GLDN: variants seen among roughly 807,000 people sequenced by gnomAD.
GLDN encodes the protein gliomedin.
Under a neutral mutation model 56.5 loss-of-function variants are expected in GLDN, and 47 were observed. The ratio of observed to expected loss-of-function variants is 0.83; its 90% CI spans 0.66 to 1.06. The LOEUF (loss-of-function observed/expected upper bound fraction) is 1.06. Ranked by LOEUF, GLDN falls within the 50% of genes least tolerant of loss-of-function variation. GLDN has a pLI of 0.00. For synonymous variants in GLDN, 332 were observed against 278.8 expected, an observed-to-expected ratio of 1.19 and a Z score of -1.90; for missense variants, 782 against 714.3, an observed-to-expected ratio of 1.09 and a Z score of -1.08.
In GLDN at chr15:51,400,248, G is replaced by A. The variant is rs770668819; in HGVS notation, c.874G>A (p.Ala292Thr). 6.2e-7 allele frequency: 1 copy of A among 1,614,072 alleles called. No homozygotes were observed. ...DTLVGKADEK[A>T]SEHHSPQAES... ...CTTGGTTGGAAAAGCTGATGAGAAA[G>A]CCAGTGAACACCATTCCCCACAAGC... Residue 292 changes from alanine to threonine, a missense_variant, in exon 7 of 10, where the codon GCC becomes ACC. Coordinates refer to ENST00000335449, the MANE Select transcript of GLDN (RefSeq NM_181789.4).
At chr15:51,350,941 G>T (rs1221428705) in intron 1 of GLDN, among the ~76,000 whole-genome samples, 1 of 152,196 alleles carries the variant, frequency 6.6e-6, no homozygotes, top group African/African-American at 2.4e-5. Context: ...AGCAGCAGAG[G>T]TGAGGGCAGT....
Position 51,342,056 on chromosome 15 carries a change from G to T in GLDN, c.363+9G>T. On this transcript the variant is annotated intron_variant, in intron 1 of 9. Transcript: ENST00000335449. ...CCTACTCCATGGTGCCGGTAGGCGG[G>T]GTCTCTGTTCCCCGTGGCGCCCCGG... The T allele has an allele frequency of 6.3e-7, 1 of 1,591,614 alleles. No homozygotes were observed. Among genetic ancestry groups the T allele is most frequent in the East Asian group, 2.3e-5 (1 of 44,118 alleles).
intron 1 of GLDN, among the ~76,000 whole-genome samples, chr15:51,363,465 T>C (rs2037341814): frequency 1.3e-5 from 2 of 152,188 alleles, no homozygotes; most frequent in Non-Finnish European, 2.9e-5. Context: ...GAAAGAAGCT[T>C]AAAAGAAGCC....
intron 1 of GLDN, among the ~76,000 whole-genome samples, chr15:51,343,128 A>G (rs1466953393): frequency 6.6e-6 from 1 of 152,236 alleles, no homozygotes; most frequent in African/African-American, 2.4e-5. Flanking sequence ...TCAGAATCCT[A>G]GGTATTTGAA....
downstream of GLDN, among the ~76,000 whole-genome samples, chr15:51,408,233 C>T (rs1022465924): frequency 6.6e-6 from 1 of 152,026 alleles, no homozygotes; most frequent in Non-Finnish European, 1.5e-5. Context: ...CTGGGTTATA[C>T]GTAGACATAA....
At position 51,397,517 on chromosome 15, in the gene GLDN, C is replaced by T. The variant is rs758241376; in HGVS notation, c.736C>T (p.Pro246Ser). ...ACCCGGTCCACCTGGGCCCCCAGGC[C>T]CTCCAGGTCCTCCAGGGCCCCCTGG... ...GPPGPPGPPG[P>S]PGPPGPPGSR... Residue 246 changes from proline to serine, a missense_variant, in exon 6 of 10, where the codon CCT (proline) becomes TCT (serine). Transcript: ENST00000335449. The T allele has an allele frequency of 1.9e-6, 3 of 1,594,754 alleles. No individual in the cohort carries two copies. The South Asian group carries it at 3.4e-5, about 18-fold the overall frequency.
rs775501587 is a variant in GLDN, at chr15:51,400,285, C to G, written c.901+10C>G. ...CATTCCCCACAAGCAGGTATAGAAA[C>G]AAAGCGTCCTGTCTTGAAATTCAGA... On this transcript the variant is annotated intron_variant, in intron 7 of 9. Transcript: ENST00000335449. The G allele has an allele frequency of 1.2e-5, 19 of 1,614,006 alleles. No homozygotes were observed. The Admixed American group carries it at 1.8e-4, about 16-fold the overall frequency.
chr15:51,361,777 T>C (rs996284401), intron 1 of GLDN, among the ~76,000 whole-genome samples: 2 of 152,006 alleles, frequency 1.3e-5, no homozygotes, highest in East Asian at 3.9e-4. Flanking sequence ...TGAAGAACAA[T>C]AAAGTGGTTG....
chr15:51,392,400 G>C (rs546806495), intron 4 of GLDN, among the ~76,000 whole-genome samples: 256 of 152,320 alleles, frequency 1.7e-3, no homozygotes, highest in African/African-American at 6.0e-3. Flanking sequence ...TCTAATGCCT[G>C]ATGATCTGTC....
chr15:51,402,887 G>A (rs1233483841), intron 9 of GLDN, among the ~76,000 whole-genome samples: 1 of 152,084 alleles, frequency 6.6e-6, no homozygotes, highest in African/African-American at 2.4e-5. Flanking sequence ...ACCCCATTTG[G>A]GCAGTCTTGT....
intron 5 of GLDN, among the ~76,000 whole-genome samples, chr15:51,395,484 C>T (rs1436824135): frequency 1.3e-5 from 2 of 152,138 alleles, no homozygotes; most frequent in African/African-American, 2.4e-5. Flanking sequence ...AAAGAAGAGA[C>T]CCAGGGCCAG....
In GLDN at chr15:51,361,031, G is replaced by A. The variant is rs184717901; in HGVS notation, c.364-16418G>A. ...TATTGGATGAATGTAAGAATGCTTAGATAAAAATCAGAAAGTATCTGAAGT... is the reference window on the plus strand; with the variant it reads ...TATTGGATGAATGTAAGAATGCTTAAATAAAAATCAGAAAGTATCTGAAGT... On this transcript the variant is annotated intron_variant, in intron 1 of 9. Transcript: ENST00000335449. Among the ~76,000 whole-genome samples the A allele has an allele frequency of 1.9e-3, 293 of 152,356 alleles. 1 individual carries two copies. Among genetic ancestry groups the A allele is most frequent in the Admixed American group, 3.5e-3 (53 of 15,308 alleles).
In GLDN at chr15:51,344,036, A is replaced by G. The variant is rs573108605; in HGVS notation, c.363+1989A>G. Among the ~76,000 whole-genome samples the G allele has an allele frequency of 4.6e-5, 7 of 152,328 alleles. No individual in the cohort carries two copies. The South Asian group carries it at 1.0e-3, about 23-fold the overall frequency. Reference sequence around the variant, plus strand: ...GGAATATCTTGGGGATCTTGTTAATATGCAGATTCTGATTCAGATGGTCTA... The same window carrying G: ...GGAATATCTTGGGGATCTTGTTAATGTGCAGATTCTGATTCAGATGGTCTA... On this transcript the variant is annotated intron_variant, in intron 1 of 9. Coordinates refer to ENST00000335449, the MANE Select transcript of GLDN (RefSeq NM_181789.4).
In GLDN at chr15:51,400,450, TCTG is replaced by T; in HGVS notation, c.982_984del (p.Ala328del). On this transcript the variant is annotated inframe_deletion, in exon 8 of 10. Transcript: ENST00000335449. The stretch of plus-strand genomic sequence containing the variant: ...GACATTTGGGACTTGGATAAGAGAG[TCTG>T]CTAACAAGAGTGATGACCGGATTTG... 3.7e-6 allele frequency: 6 copies of T among 1,613,766 alleles called. No homozygotes were observed. Among genetic ancestry groups the T allele is most frequent in the Non-Finnish European group, 5.1e-6 (6 of 1,179,786 alleles).
chr15:51,404,921 G>T lies in GLDN; in HGVS notation c.*167G>T. On this transcript the variant is annotated 3_prime_UTR_variant, in exon 10 of 10. Coordinates refer to ENST00000335449, the MANE Select transcript of GLDN (RefSeq NM_181789.4). ...TTAGTGAAATAGCAACAGATTGGAA[G>T]TTGAAATGGCTGAGATTTGGTGATC... is the stretch of plus-strand genomic sequence containing the variant. 1 of 600,874 alleles carries T rather than the reference G, an allele frequency of 1.7e-6. No homozygotes were observed. Among genetic ancestry groups the T allele is most frequent in the South Asian group, 2.0e-5 (1 of 50,140 alleles). The allele number at this position is 600,874 out of a possible 1,614,324, so 37.2% of individuals were successfully genotyped here. A position where few individuals can be genotyped will look rare whatever the true frequency, so the allele number is the denominator to read the frequency against.
Position 51,400,356 on chromosome 15 carries a change from T to G in GLDN, c.902-17T>G, listed in dbSNP as rs1157763208. On this transcript the variant is annotated splice_polypyrimidine_tract_variant and intron_variant, in intron 7 of 9. Coordinates refer to ENST00000335449, the MANE Select transcript of GLDN (RefSeq NM_181789.4). ...TAATTGGCAGGCAAGTGACTTTCTT[T>G]TCTCTTCTTTTGGCAGAATCCATGA... The G allele has an allele frequency of 6.2e-7, 1 of 1,614,050 alleles. No individual in the cohort carries two copies. Among genetic ancestry groups the G allele is most frequent in the Non-Finnish European group, 8.5e-7 (1 of 1,180,024 alleles).
Position 51,406,094 on chromosome 15 carries a change from A to C in GLDN, c.*1340A>C, listed in dbSNP as rs1242635574. 1 of 152,182 alleles carries C rather than the reference A, an allele frequency of 6.6e-6. No individual in the cohort carries two copies. Among genetic ancestry groups the C allele is most frequent in the Non-Finnish European group, 1.5e-5 (1 of 68,046 alleles). 9.4% of individuals were successfully genotyped at this position (152,182 alleles called of 1,614,324 possible). A position where few individuals can be genotyped will look rare whatever the true frequency, so the allele number is the denominator to read the frequency against. On this transcript the variant is annotated 3_prime_UTR_variant, in exon 10 of 10. Coordinates refer to ENST00000335449, the MANE Select transcript of GLDN (RefSeq NM_181789.4). ...CGCATAGGATGTGACTTGCGTTTTG[A>C]GTAGAGGGGAAGGCTGATAACGGCG... is the stretch of plus-strand genomic sequence containing the variant.
chr15:51,394,048 A>G (rs2038073853), intron 4 of GLDN, among the ~76,000 whole-genome samples: 1 of 152,246 alleles, frequency 6.6e-6, no homozygotes, highest in Non-Finnish European at 1.5e-5. Context: ...ACTTGGCAGC[A>G]TCTGTTATAA....
chr15:51,409,610 C>T (rs542187432), downstream of GLDN, among the ~76,000 whole-genome samples: 29 of 152,302 alleles, frequency 1.9e-4, no homozygotes, highest in East Asian at 5.4e-3. Flanking sequence ...ATGGCATTGT[C>T]AATGTCCCAA....
Sources: allele counts gnomAD v4.1 joint callset (sites outside exome capture counted in the v4.1 genomes callset), GRCh38; gene constraint gnomAD v4.1.1; transcripts MANE v1.5; gene names NCBI Gene and HGNC (gene_info 2026-07-23, HGNC 2026-07-21).